UTRN: variants seen among roughly 807,000 people sequenced by gnomAD.
UTRN encodes dystrophin-related protein 1.
A neutral mutation model predicts 463.9 loss-of-function variants in UTRN; 283 were observed. The ratio of observed to expected loss-of-function variants is 0.61; its 90% CI spans 0.55 to 0.67. The LOEUF (loss-of-function observed/expected upper bound fraction) is 0.67, where lower values mean the gene tolerates loss of function less well. Among genes scored for constraint, UTRN ranks in the 30% least tolerant of loss-of-function variants. UTRN has a pLI of 0.00. For synonymous variants in UTRN, 1,442 were observed against 1,431.5 expected (o/e 1.01, Z -0.17); for missense variants, 3,922 against 4,084.3 (o/e 0.96, Z 1.08).
In UTRN at chr6:144,495,134, C is replaced by T. The variant is rs150521915; in HGVS notation, c.4593+1678C>T. Among the ~76,000 whole-genome samples the T allele has an allele frequency of 5.5e-3, 840 of 152,346 alleles. 3 individuals carry two copies. The highest frequency in any genetic ancestry group is 8.9e-3 in the Non-Finnish European group (607 of 68,030). On this transcript the variant is annotated intron_variant, in intron 33 of 74. Coordinates refer to ENST00000367545, the MANE Select transcript of UTRN (RefSeq NM_007124.3). The stretch of plus-strand genomic sequence containing the variant: ...TGCAGGTGGAGCTGCCTTCCAGTCC[C>T]GCACCGTGGGCTTGCACTCCTCAGC...
chr6:144,757,708 A>G (rs535995240), intron 57 of UTRN, among the ~76,000 whole-genome samples: 1 of 152,250 alleles, frequency 6.6e-6, no homozygotes, highest in East Asian at 1.9e-4. Flanking sequence ...AGGTTAGATT[A>G]GTTGGCATTA....
chr6:144,343,446 GC>G (rs57002974), intron 2 of UTRN, among the ~76,000 whole-genome samples: 9,585 of 150,568 alleles, frequency 0.064, 1,007 homozygotes, highest in African/African-American at 0.22. Flanking sequence ...TGTAATCCCA[GC>G]TACTTGGGAG....
At chr6:144,582,169 A>G (rs1463730520) in intron 51 of UTRN, among the ~76,000 whole-genome samples, 1 of 152,234 alleles carries the variant, frequency 6.6e-6, no homozygotes, top group Non-Finnish European at 1.5e-5. Flanking sequence ...TCGTTGTAAC[A>G]TGAAGGACTA....
intron 68 of UTRN, among the ~76,000 whole-genome samples, chr6:144,828,408 A>G (rs1780377071): frequency 6.6e-6 from 1 of 152,178 alleles, no homozygotes; most frequent in Admixed American, 6.5e-5. Context: ...GAGTTGGATC[A>G]TGTCCTTAGT....
At chr6:144,481,131 A>G (rs1791816954) in intron 26 of UTRN, among the ~76,000 whole-genome samples, 1 of 152,160 alleles carries the variant, frequency 6.6e-6, no homozygotes, top group African/African-American at 2.4e-5. Context: ...ATTGGGCAAC[A>G]TTTTATTTAT....
chr6:144,747,531 TC>T (rs1156419941), intron 54 of UTRN, among the ~76,000 whole-genome samples: 1 of 152,212 alleles, frequency 6.6e-6, no homozygotes, highest in Non-Finnish European at 1.5e-5. Context: ...TCTGGACTGT[TC>T]CAGCCCACAT....
chr6:144,410,827 C>T (rs1026497781), intron 3 of UTRN, among the ~76,000 whole-genome samples: 2 of 145,670 alleles, frequency 1.4e-5, no homozygotes, highest in Non-Finnish European at 3.0e-5. Flanking sequence ...TGTGTATATA[C>T]ACACCACAAT....
At chr6:144,599,313 A>G (rs1005314798) in intron 51 of UTRN, among the ~76,000 whole-genome samples, 2 of 152,168 alleles carry the variant, frequency 1.3e-5, no homozygotes, top group African/African-American at 2.4e-5. Context: ...ATATTATTTT[A>G]TATTGAAAAA....
intron 34 of UTRN, among the ~76,000 whole-genome samples, chr6:144,510,388 C>G (rs1222057129): frequency 6.6e-6 from 1 of 152,182 alleles, no homozygotes; most frequent in Non-Finnish European, 1.5e-5. Flanking sequence ...ACTTGCTGCT[C>G]TCTTGTGAGT....
intron 55 of UTRN, among the ~76,000 whole-genome samples, chr6:144,750,877 A>G (rs1182854424): frequency 6.6e-6 from 1 of 152,102 alleles, no homozygotes; most frequent in East Asian, 1.9e-4. Context: ...TCATAATTAC[A>G]ATTTCTAAGT....
At chr6:144,671,341 A>G (rs1476199953) in intron 51 of UTRN, among the ~76,000 whole-genome samples, 1 of 151,994 alleles carries the variant, frequency 6.6e-6, no homozygotes, top group African/African-American at 2.4e-5. Context: ...TTTTGCTTGT[A>G]GGGATCTTTT....
At position 144,752,202 on chromosome 6, in the gene UTRN, A is replaced by G. The variant is rs541867322; in HGVS notation, c.8355+250A>G. ...ATTTGTAGAAAATTGCAAAAGGTTA[A>G]ATAAATCACAGTAATTGAAACCTGT... On this transcript the variant is annotated intron_variant, in intron 56 of 74. Coordinates refer to ENST00000367545, the MANE Select transcript of UTRN (RefSeq NM_007124.3). Among the ~76,000 whole-genome samples the G allele has an allele frequency of 1.7e-3, 256 of 152,312 alleles. 2 individuals carry two copies. The highest frequency in any genetic ancestry group is 0.014 in the Middle Eastern group (4 of 294).
chr6:144,653,513 G>A (rs909905597), intron 51 of UTRN, among the ~76,000 whole-genome samples: 11 of 151,840 alleles, frequency 7.2e-5, no homozygotes, highest in Non-Finnish European at 1.3e-4. Flanking sequence ...GTGAACCCGG[G>A]AGGCAGAGCT....
Position 144,286,306 on chromosome 6 carries a change from G to A in UTRN, c.-93+485G>A, listed in dbSNP as rs1803652080. Among the ~76,000 whole-genome samples, 1 of 152,174 alleles carries A rather than the reference G, an allele frequency of 6.6e-6. No individual in the cohort carries two copies. Among genetic ancestry groups the A allele is most frequent in the African/African-American group, 2.4e-5 (1 of 41,450 alleles). ...GGCTCCGGCGGTGTCCACAGGAGAG[G>A]GTGGGCAGAGGGTGGCTGTGTGGTC... On this transcript the variant is annotated intron_variant, in intron 1 of 74. Coordinates refer to ENST00000367545, the MANE Select transcript of UTRN (RefSeq NM_007124.3). The surrounding 1 kb of genome is among the most constrained non-coding windows in gnomAD (Gnocchi z 4.4).
At chr6:144,633,698 G>A (rs1776796408) in intron 51 of UTRN, among the ~76,000 whole-genome samples, 1 of 152,176 alleles carries the variant, frequency 6.6e-6, no homozygotes, top group Non-Finnish European at 1.5e-5. Flanking sequence ...TTAATGGGCT[G>A]CACTACACTA....
chr6:144,403,354 G>C (rs1195978838), intron 3 of UTRN, among the ~76,000 whole-genome samples, 170 bp downstream of exon 3: 1 of 152,084 alleles, frequency 6.6e-6, no homozygotes, highest in East Asian at 1.9e-4. Flanking sequence ...TGTTTAAACG[G>C]AAATTCTCAT....
chr6:144,622,305 G>A (rs1775503655), intron 51 of UTRN, among the ~76,000 whole-genome samples: 1 of 145,896 alleles, frequency 6.9e-6, no homozygotes, highest in Admixed American at 7.2e-5. Flanking sequence ...TCCTGCCTCA[G>A]CCACCCAAGT....
At chr6:144,506,315 G>A (rs1794689045) in intron 34 of UTRN, among the ~76,000 whole-genome samples, 1 of 152,132 alleles carries the variant, frequency 6.6e-6, no homozygotes, top group Admixed American at 6.5e-5. Context: ...GATGTTATCT[G>A]GTTATTTTGC....
intron 2 of UTRN, among the ~76,000 whole-genome samples, chr6:144,376,445 C>A (rs2114725520): frequency 6.7e-6 from 1 of 150,156 alleles, no homozygotes; most frequent in East Asian, 2.0e-4. Context: ...CAGAGCGACA[C>A]TCTGTCTCAA....
Sources: gnomAD v4.1 joint callset for allele counts (sites outside exome capture counted in the v4.1 genomes callset) on GRCh38, gnomAD v4.1.1 for gene constraint, Gnocchi (gnomAD v3.1) non-coding constraint, MANE v1.5 for transcripts, NCBI Gene and HGNC (gene_info 2026-07-23, HGNC 2026-07-21) for gene names.